Variants in KLHL29 observed in about 807,000 individuals in gnomAD.
The protein encoded by KLHL29 is kelch like family member 29, also known as kelch-like protein 29.
KLHL29 carries 21 observed loss-of-function variants against 80.4 expected under a neutral mutation model. The observed-to-expected ratio is 0.26, with a 90% CI of 0.19 to 0.38. The LOEUF (loss-of-function observed/expected upper bound fraction) is 0.38. Ranked by LOEUF, KLHL29 falls within the 10% of genes least tolerant of loss-of-function variation. The pLI, the probability that KLHL29 is intolerant of heterozygous loss-of-function variation, is 1.00. For synonymous variants in KLHL29, 511 were observed against 526.8 expected (o/e 0.97, Z 0.41); for missense variants, 867 against 1,223.9 (o/e 0.71, Z 4.35).
intron 1 of KLHL29, among the ~76,000 whole-genome samples, chr2:23,410,771 C>T (rs973712086): frequency 2.6e-5 from 4 of 152,010 alleles, no homozygotes; most frequent in Admixed American, 6.5e-5. Context: ...CATGTGCTGG[C>T]TGAGTCAAGA....
intron 3 of KLHL29, among the ~76,000 whole-genome samples, chr2:23,624,002 C>T (rs1194163124): frequency 6.6e-6 from 1 of 152,144 alleles, no homozygotes; most frequent in Non-Finnish European, 1.5e-5. Context: ...ATTTTGATGC[C>T]AGTGCTAATT....
At chr2:23,653,650 ACAT>A (rs1399156747) in intron 5 of KLHL29, among the ~76,000 whole-genome samples, 5 of 152,178 alleles carry the variant, frequency 3.3e-5, no homozygotes, top group African/African-American at 1.2e-4. Context: ...GAGGGAGGAG[ACAT>A]CATCCCAAAA....
chr2:23,561,816 T>C (rs547914347), intron 2 of KLHL29, among the ~76,000 whole-genome samples: 2 of 151,906 alleles, frequency 1.3e-5, no homozygotes, highest in East Asian at 3.9e-4. Context: ...CACGGTGGGG[T>C]GGGAGGGGAT....
intron 1 of KLHL29, among the ~76,000 whole-genome samples, chr2:23,399,665 T>C (rs1450779165): frequency 2.0e-5 from 3 of 152,220 alleles, no homozygotes; most frequent in Non-Finnish European, 4.4e-5. Flanking sequence ...ATTGTGAACC[T>C]GTGTAACTGC....
intron 3 of KLHL29, among the ~76,000 whole-genome samples, chr2:23,577,453 A>G (rs1363586792): frequency 6.6e-6 from 1 of 151,282 alleles, no homozygotes; most frequent in Admixed American, 6.6e-5. Flanking sequence ...TCTCTAAATA[A>G]AAGGGGGGTG....
chr2:23,705,783 G>A lies in KLHL29; in HGVS notation c.2445-698G>A, dbSNP rs1350353654. 2.0e-5 allele frequency among the ~76,000 whole-genome samples: 3 copies of A among 152,226 alleles called. No individual in the cohort carries two copies. The East Asian group carries it at 5.8e-4, about 29-fold the overall frequency. Reference sequence around the variant, plus strand: ...CTGAAATGAAAGAGTGTCAGGGCTAGAAACAAGGATGTGGACGTCAGTGCA... The same window carrying A: ...CTGAAATGAAAGAGTGTCAGGGCTAAAAACAAGGATGTGGACGTCAGTGCA... On this transcript the variant is annotated intron_variant, in intron 13 of 13. Transcript: ENST00000486442.
intron 3 of KLHL29, among the ~76,000 whole-genome samples, chr2:23,633,198 C>T (rs1488845653): frequency 6.6e-6 from 1 of 152,130 alleles, no homozygotes; most frequent in Admixed American, 6.5e-5. Context: ...TGGCGTTGTC[C>T]CTGGCATTGT....
chr2:23,540,280 G>A (rs1462291499), intron 2 of KLHL29, among the ~76,000 whole-genome samples: 1 of 152,214 alleles, frequency 6.6e-6, no homozygotes, highest in Non-Finnish European at 1.5e-5. Context: ...CCACTAGCCA[G>A]TATTTGTATC....
chr2:23,698,220 T>A (rs1558448210), intron 11 of KLHL29, among the ~76,000 whole-genome samples: 1 of 152,228 alleles, frequency 6.6e-6, no homozygotes, highest in African/African-American at 2.4e-5. Context: ...CCCCAAGAGA[T>A]GAAGGACAAA....
chr2:23,482,459 A>T (rs543497020), intron 2 of KLHL29, among the ~76,000 whole-genome samples: 1 of 152,286 alleles, frequency 6.6e-6, no homozygotes, highest in African/African-American at 2.4e-5. Flanking sequence ...GTGCTCTGGG[A>T]GTGTCGCTGT....
chr2:23,684,433 G>C lies in KLHL29; in HGVS notation c.975G>C (p.Ala325=). Residue 325 remains alanine (A), a synonymous_variant, in exon 6 of 14, where the codon GCG becomes GCC. Coordinates refer to ENST00000486442, the MANE Select transcript of KLHL29 (RefSeq NM_052920.2). This position sits in a 1 kb window ranked among gnomAD's most constrained non-coding sequence, Gnocchi z 4.4. ...AGGAATTGAACCAGCAACGCAGAGC[G>C]AAAGCGTTTACAGACCTGAAAATTG... ...MLKELNQQRR[A]KAFTDLKIVV... 1 of 1,549,666 alleles carries C rather than the reference G, an allele frequency of 6.5e-7. No homozygotes were observed. Among genetic ancestry groups the C allele is most frequent in the Non-Finnish European group, 8.7e-7 (1 of 1,146,360 alleles).
intron 1 of KLHL29, among the ~76,000 whole-genome samples, chr2:23,425,667 G>A (rs150950579): frequency 1.5e-3 from 227 of 152,354 alleles, no homozygotes; most frequent in Middle Eastern, 0.01. Flanking sequence ...GAAAGGAGCA[G>A]CCCTTGGCTG....
At chr2:23,410,333 G>T (rs1666833207) in intron 1 of KLHL29, among the ~76,000 whole-genome samples, 1 of 151,982 alleles carries the variant, frequency 6.6e-6, no homozygotes, top group East Asian at 1.9e-4. Context: ...GCAGGCTGGG[G>T]TGGGGGGTTC....
At chr2:23,597,377 G>C (rs113470508) in intron 3 of KLHL29, among the ~76,000 whole-genome samples, 5 of 24,088 alleles carry the variant, frequency 2.1e-4, no homozygotes, top group African/African-American at 6.7e-4. Context: ...ATATATGTGT[G>C]TGTGTGTATA....
intron 3 of KLHL29, among the ~76,000 whole-genome samples, chr2:23,600,660 T>G (rs570112760): frequency 6.6e-6 from 1 of 152,342 alleles, no homozygotes; most frequent in East Asian, 1.9e-4. Flanking sequence ...GGATGGGACT[T>G]GTGGGACCCT....
intron 3 of KLHL29, among the ~76,000 whole-genome samples, chr2:23,600,917 A>G (rs1186034077): frequency 6.6e-6 from 1 of 152,222 alleles, no homozygotes; most frequent in East Asian, 1.9e-4. Context: ...AATGATAACC[A>G]TCACTTGCTG....
chr2:23,402,368 C>T (rs1225307685), intron 1 of KLHL29, among the ~76,000 whole-genome samples: 3 of 152,230 alleles, frequency 2.0e-5, no homozygotes, highest in Non-Finnish European at 4.4e-5. Context: ...TGAATCTGAG[C>T]CAGAAAAGAT....
Position 23,430,760 on chromosome 2 carries a change from G to A in KLHL29, c.-153-44800G>A, listed in dbSNP as rs1432190706. Among the ~76,000 whole-genome samples, 7 of 152,288 alleles carry A rather than the reference G, an allele frequency of 4.6e-5. No individual in the cohort carries two copies. In the South Asian group the frequency reaches 6.2e-4, roughly 14 times the overall value. On this transcript the variant is annotated intron_variant, in intron 1 of 13. Transcript: ENST00000486442. ...TGGTCAGTGGTCTAGGTTAGAACCC[G>A]GGAACTAATTTTTTCTCTTCTAGAT...
chr2:23,670,917 G>GCGCGCGCTCTCTCTCT (rs150131401), intron 5 of KLHL29, among the ~76,000 whole-genome samples: 1 of 18,534 alleles, frequency 5.4e-5, no homozygotes, highest in Non-Finnish European at 1.2e-4. Context: ...ACATGCACGC[G>GCGCGCGCTCTCTCTCT]CTCTCTCTCT....
Sources: gnomAD v4.1 joint callset for allele counts (sites outside exome capture counted in the v4.1 genomes callset) on GRCh38, gnomAD v4.1.1 for gene constraint, Gnocchi (gnomAD v3.1) non-coding constraint, MANE v1.5 for transcripts, NCBI Gene and HGNC (gene_info 2026-07-23, HGNC 2026-07-21) for gene names.